Variants in UNC5C observed in about 807,000 individuals in gnomAD.
UNC5C encodes unc-5 netrin receptor C.
Under a neutral mutation model 99.8 loss-of-function variants are expected in UNC5C, and 47 were observed. The ratio of observed to expected loss-of-function variants is 0.47; its 90% CI spans 0.37 to 0.60. The LOEUF (loss-of-function observed/expected upper bound fraction) is 0.60, where lower values mean the gene tolerates loss of function less well. Ranked by LOEUF, UNC5C falls within the 20% of genes least tolerant of loss-of-function variation. The probability of loss-of-function intolerance (pLI) is 0.00; values close to 1 mark genes in which losing one functional copy is unlikely to be tolerated. For missense variants in UNC5C, 1,062 were observed against 1,165.9 expected (o/e 0.91, Z 1.30); for synonymous variants, 487 against 452.2 (o/e 1.08, Z -0.98).
chr4:95,541,234 G>A (rs1489548465), intron 1 of UNC5C, among the ~76,000 whole-genome samples: 7 of 152,112 alleles, frequency 4.6e-5, no homozygotes, highest in Admixed American at 4.6e-4. Flanking sequence ...CAATTCGTAA[G>A]TTTTAAACTG....
chr4:95,489,145 A>AGAAG (rs1278690080), intron 1 of UNC5C, among the ~76,000 whole-genome samples: 17 of 150,512 alleles, frequency 1.1e-4, no homozygotes, highest in South Asian at 1.0e-3. Context: ...GAAGGAAGAA[A>AGAAG]GAAGGAAGGA....
At chr4:95,507,483 C>T (rs1251746981) in intron 1 of UNC5C, among the ~76,000 whole-genome samples, 1 of 151,970 alleles carries the variant, frequency 6.6e-6, no homozygotes, top group Non-Finnish European at 1.5e-5. Context: ...GTCTACATGG[C>T]TCTGCAACAT....
intron 1 of UNC5C, among the ~76,000 whole-genome samples, chr4:95,445,967 A>C (rs201425789): frequency 1.7e-4 from 24 of 139,362 alleles, no homozygotes; most frequent in Non-Finnish European, 2.5e-4. Context: ...AGCCTGCAAA[A>C]AAAACAAAAC....
chr4:95,373,119 A>G (rs1052214976), intron 1 of UNC5C, among the ~76,000 whole-genome samples: 1 of 152,170 alleles, frequency 6.6e-6, no homozygotes, highest in Non-Finnish European at 1.5e-5. Flanking sequence ...GTACTATAGT[A>G]ATGGCCTCCT....
At chr4:95,280,600 A>G (rs1295669281) in intron 3 of UNC5C, among the ~76,000 whole-genome samples, 1 of 152,026 alleles carries the variant, frequency 6.6e-6, no homozygotes, top group Non-Finnish European at 1.5e-5. Flanking sequence ...GAGGCATAAG[A>G]ATTGCTTGAA....
At chr4:95,484,053 A>G (rs1393542312) in intron 1 of UNC5C, among the ~76,000 whole-genome samples, 1 of 151,792 alleles carries the variant, frequency 6.6e-6, no homozygotes, top group Admixed American at 6.6e-5. Context: ...ACAATCAACA[A>G]AAATATTAAA....
chr4:95,256,699 A>AATATATATATATATATATATAT (rs377553615), intron 4 of UNC5C, among the ~76,000 whole-genome samples: 78 of 90,638 alleles, frequency 8.6e-4, no homozygotes, highest in African/African-American at 2.6e-3. Context: ...GAACTAAATA[A>AATATATATATATATATATATAT]ATATATATAT....
intron 1 of UNC5C, among the ~76,000 whole-genome samples, chr4:95,354,785 C>G (rs1370346532): frequency 6.6e-6 from 1 of 151,960 alleles, no homozygotes; most frequent in East Asian, 1.9e-4. Context: ...CCATGCCCAG[C>G]CAGCATCATT....
At chr4:95,322,236 C>T (rs999153997) in intron 2 of UNC5C, among the ~76,000 whole-genome samples, 2 of 152,306 alleles carry the variant, frequency 1.3e-5, no homozygotes, top group Admixed American at 1.3e-4. Flanking sequence ...TGGAGAATAA[C>T]AATTGGTGTG....
intron 1 of UNC5C, among the ~76,000 whole-genome samples, chr4:95,478,005 G>A (rs893468443): frequency 3.3e-5 from 5 of 151,098 alleles, no homozygotes; most frequent in African/African-American, 1.2e-4. Flanking sequence ...AACAGTGCAT[G>A]GTGCATAATA....
At chr4:95,215,316 T>C (rs761792783) in intron 10 of UNC5C, among the ~76,000 whole-genome samples, 1 of 152,230 alleles carries the variant, frequency 6.6e-6, no homozygotes, top group Non-Finnish European at 1.5e-5. Context: ...GATGAGGATC[T>C]CCATTTTAAC....
intron 7 of UNC5C, among the ~76,000 whole-genome samples, chr4:95,230,807 C>T (rs11941383): frequency 0.051 from 7,745 of 151,692 alleles, 219 homozygotes; most frequent in South Asian, 0.093. Context: ...CACACATTGG[C>T]TCCAGCACTC....
Position 95,166,494 on chromosome 4 carries a change from C to G in UNC5C, c.*2740G>C, listed in dbSNP as rs1385869343. 1 of 152,100 alleles carries G rather than the reference C, an allele frequency of 6.6e-6. No individual in the cohort carries two copies. The highest frequency in any genetic ancestry group is 1.5e-5 in the Non-Finnish European group (1 of 68,002). 9.4% of individuals were successfully genotyped at this position (152,100 alleles called of 1,614,324 possible). A position where few individuals can be genotyped will look rare whatever the true frequency, so the allele number is the denominator to read the frequency against. On this transcript the variant is annotated 3_prime_UTR_variant, in exon 16 of 16. Transcript: ENST00000453304. ...ACCAAAAAAGCATCTGAAGTGAACC[C>G]CAAGGGTTCTCAGTGACTTCAGTAA...
chr4:95,339,970 C>T (rs1462419757), intron 1 of UNC5C, among the ~76,000 whole-genome samples: 2 of 152,124 alleles, frequency 1.3e-5, no homozygotes, highest in Non-Finnish European at 2.9e-5. Context: ...TTACTCAATA[C>T]TGACATTCCA....
At chr4:95,219,736 CAG>C (rs1464086450) in intron 8 of UNC5C, among the ~76,000 whole-genome samples, 1 of 152,122 alleles carries the variant, frequency 6.6e-6, no homozygotes, top group East Asian at 1.9e-4. Flanking sequence ...GTCAACCAAT[CAG>C]GGTACTCTTT....
intron 1 of UNC5C, among the ~76,000 whole-genome samples, chr4:95,484,151 A>G (rs768058245): frequency 1.3e-4 from 19 of 151,840 alleles, no homozygotes; most frequent in Admixed American, 2.6e-4. Flanking sequence ...TATTAAGCAG[A>G]CCTACAGGAA....
At chr4:95,373,464 A>C (rs1744803654) in intron 1 of UNC5C, among the ~76,000 whole-genome samples, 1 of 152,160 alleles carries the variant, frequency 6.6e-6, no homozygotes, top group Non-Finnish European at 1.5e-5. Flanking sequence ...GCTTTGCCAA[A>C]GAATACTTCC....
At chr4:95,387,705 A>AT (rs1340585248) in intron 1 of UNC5C, among the ~76,000 whole-genome samples, 3 of 152,106 alleles carry the variant, frequency 2.0e-5, no homozygotes, top group Non-Finnish European at 4.4e-5. Flanking sequence ...ACAAAGTAAG[A>AT]TTTTTTTCTT....
Position 95,301,648 on chromosome 4 carries a change from C to CG in UNC5C, c.447dup (p.Ala150ArgfsTer21). 6.2e-7 allele frequency: 1 copy of CG among 1,613,868 alleles called. No individual in the cohort carries two copies. Among genetic ancestry groups the CG allele is most frequent in the Non-Finnish European group, 8.5e-7 (1 of 1,180,006 alleles). On this transcript the variant is annotated frameshift_variant, in exon 3 of 16. Coordinates refer to ENST00000453304, the MANE Select transcript of UNC5C (RefSeq NM_003728.4). LOFTEE classifies it high-confidence loss of function. ...GCCTTCCGGCTCTTTGTGGTACCCG[C>CG]GGAGCTCCAGGCCACACACTGGCAC...
Sources: allele counts gnomAD v4.1 joint callset (sites outside exome capture counted in the v4.1 genomes callset), GRCh38; gene constraint gnomAD v4.1.1; transcripts MANE v1.5; gene names NCBI Gene and HGNC (gene_info 2026-07-23, HGNC 2026-07-21).